Variants in ZNF326 observed in about 807,000 individuals in gnomAD.
ZNF326 encodes the protein zinc finger protein 326, also known as DBIRD complex subunit ZNF326.
Under a neutral mutation model 63.1 loss-of-function variants are expected in ZNF326, and 30 were observed. The observed-to-expected ratio is 0.48, with a 90% CI of 0.36 to 0.64. The LOEUF (loss-of-function observed/expected upper bound fraction) is 0.64. Among genes scored for constraint, ZNF326 ranks in the 30% least tolerant of loss-of-function variants. ZNF326 has a pLI of 0.00. For missense variants in ZNF326, 609 were observed against 720.3 expected (o/e 0.85, Z 1.77); for synonymous variants, 194 against 228.2 (o/e 0.85, Z 1.35).
chr1:90,025,072 C>T (rs1649949784), intron 11 of ZNF326, among the ~76,000 whole-genome samples: 1 of 151,414 alleles, frequency 6.6e-6, no homozygotes, highest in Admixed American at 6.6e-5. Context: ...GACTTTGGCC[C>T]ACCCTATTTT....
chr1:90,018,082 A>G (rs1460908777), intron 8 of ZNF326, among the ~76,000 whole-genome samples: 1 of 152,156 alleles, frequency 6.6e-6, no homozygotes, highest in African/African-American at 2.4e-5. Context: ...TCACGAGGTC[A>G]GGGGTTCAAG....
chr1:90,007,300 A>C lies in ZNF326; in HGVS notation c.210-45A>C. ...TTTGTCTTTTGAATTGTCTAACATT[A>C]GTAAGCTTACTTTTGTTTTTTCCCT... On this transcript the variant is annotated intron_variant, in intron 4 of 11. Transcript: ENST00000340281. This position sits in a 1 kb window ranked among gnomAD's most constrained non-coding sequence, Gnocchi z 4.9. The C allele has an allele frequency of 6.6e-7, 1 of 1,521,092 alleles. No homozygotes were observed. The highest frequency in any genetic ancestry group is 8.9e-7 in the Non-Finnish European group (1 of 1,128,020). 94.2% of individuals were successfully genotyped at this position (1,521,092 alleles called of 1,614,324 possible). A position where few individuals can be genotyped will look rare whatever the true frequency, so the allele number is the denominator to read the frequency against.
chr1:90,014,426 ATAAT>A (rs1557523959), intron 7 of ZNF326, among the ~76,000 whole-genome samples: 1 of 152,216 alleles, frequency 6.6e-6, no homozygotes, highest in African/African-American at 2.4e-5. Context: ...ACAGCTAGTA[ATAAT>A]TTTAAGGAAA....
At position 90,034,378 on chromosome 1, in the gene ZNF326, A is replaced by G. The variant is rs1449872175; in HGVS notation, c.*6677A>G. 1 of 152,230 alleles carries G rather than the reference A, an allele frequency of 6.6e-6. No homozygotes were observed. Among genetic ancestry groups the G allele is most frequent in the Non-Finnish European group, 1.5e-5 (1 of 68,026 alleles). The allele number at this position is 152,230 out of a possible 1,614,324, so 9.4% of individuals were successfully genotyped here. A position where few individuals can be genotyped will look rare whatever the true frequency, so the allele number is the denominator to read the frequency against. On this transcript the variant is annotated 3_prime_UTR_variant, in exon 12 of 12. Transcript: ENST00000340281. ...ACAAGAAATTGTCAAATTTATAATC[A>G]TAGCTACGTATTTGAACACAGCGCT...
chr1:90,026,054 C>T (rs1052311251), intron 11 of ZNF326, among the ~76,000 whole-genome samples: 2 of 151,904 alleles, frequency 1.3e-5, no homozygotes, highest in Non-Finnish European at 2.9e-5. Context: ...GGCTCCACCT[C>T]CTGGGTTCAC....
Position 90,007,473 on chromosome 1 carries a change from GCTC to G in ZNF326, c.341_343del (p.Ser114del). On this transcript the variant is annotated inframe_deletion, in exon 5 of 12. Coordinates refer to ENST00000340281, the MANE Select transcript of ZNF326 (RefSeq NM_182976.4). The surrounding 1 kb of genome is among the most constrained non-coding windows in gnomAD (Gnocchi z 4.9). ...GGTAGTTATGGTGGTCGATTTGAGAGCTCCTACCGGAATAGCCTTGACTCTTTC... is the reference window on the plus strand; with the variant it reads ...GGTAGTTATGGTGGTCGATTTGAGAGCTACCGGAATAGCCTTGACTCTTTC... 6.2e-7 allele frequency: 1 copy of G among 1,614,042 alleles called. No individual in the cohort carries two copies. Among genetic ancestry groups the G allele is most frequent in the Non-Finnish European group, 8.5e-7 (1 of 1,179,988 alleles).
Position 90,014,374 on chromosome 1 carries a change from A to T in ZNF326, c.926+1137A>T, listed in dbSNP as rs566173697. Reference sequence around the variant, plus strand: ...AAACATCACCCAAATTATTTTAAAAAGTAAGAAAACTAAGCTGTTTAATAT... The same window carrying T: ...AAACATCACCCAAATTATTTTAAAATGTAAGAAAACTAAGCTGTTTAATAT... On this transcript the variant is annotated intron_variant, in intron 7 of 11. Coordinates refer to ENST00000340281, the MANE Select transcript of ZNF326 (RefSeq NM_182976.4). Among the ~76,000 whole-genome samples, 39 of 152,338 alleles carry T rather than the reference A, an allele frequency of 2.6e-4. No homozygotes were observed. In the East Asian group the frequency reaches 6.2e-3, roughly 24 times the overall value.
chr1:90,010,542 A>G (rs1649188378), intron 6 of ZNF326, among the ~76,000 whole-genome samples: 1 of 152,108 alleles, frequency 6.6e-6, no homozygotes. Flanking sequence ...TACAGCTGAG[A>G]AAACAGGCAC....
chr1:90,027,243 A>T, intron 11 of ZNF326, 111 bp from the exon 12 acceptor site: 1 of 983,722 alleles, frequency 1.0e-6, no homozygotes, highest in Non-Finnish European at 1.5e-6. Flanking sequence ...TTTACAATGA[A>T]AAGTTTCAAA....
Position 90,027,568 on chromosome 1 carries a change from G to C in ZNF326, c.1616G>C (p.Gly539Ala), listed in dbSNP as rs1650075823. The C allele has an allele frequency of 1.2e-6, 2 of 1,608,542 alleles. No individual in the cohort carries two copies. The highest frequency in any genetic ancestry group is 1.7e-6 in the Non-Finnish European group (2 of 1,176,846). ...IEGEGNIQGV[G>A]EGGEVGVVGE... is the part of the protein sequence containing the mutation. ...GGCGAGGGAAATATACAGGGAGTAG[G>C]GGAAGGAGGGGAAGTAGGGGTAGTG... Residue 539 changes from glycine to alanine, a missense_variant, in exon 12 of 12, where the codon GGG (glycine) becomes GCG (alanine). This residue lies in a region of ZNF326 where 399 missense variants were observed against 444.3 expected (regional missense o/e 0.90). Transcript: ENST00000340281.
chr1:90,027,124 G>C (rs1650047767), intron 11 of ZNF326, among the ~76,000 whole-genome samples: 2 of 151,918 alleles, frequency 1.3e-5, no homozygotes, highest in African/African-American at 4.8e-5. Flanking sequence ...GGGAAAATAT[G>C]ACCTTTAAGC....
At chr1:90,020,973 T>C (rs1649741853) in intron 10 of ZNF326, 51 bp downstream of exon 10, 2 of 1,589,180 alleles carry the variant, frequency 1.3e-6, no homozygotes, top group Admixed American at 1.7e-5. Context: ...CATCAATCTT[T>C]TATTGTTCTT....
rs1649051610 is a variant in ZNF326 at position 90,007,685 on chromosome 1, A to G, written c.550A>G (p.Thr184Ala). 2 of 1,518,818 alleles carry G rather than the reference A, an allele frequency of 1.3e-6. No homozygotes were observed. The highest frequency in any genetic ancestry group is 2.2e-5 in the Admixed American group (1 of 44,492). The allele number at this position is 1,518,818 out of a possible 1,614,324, so 94.1% of individuals were successfully genotyped here. ...AGGAACGCCTGCTTATCCTGAAAGT[A>G]CGTTTGGAAGCAGAAACTATGATGC... ...GRGTPAYPESTFGSRNYDAFG... is the reference protein window; with the variant it reads ...GRGTPAYPESAFGSRNYDAFG... The change falls in exon 5 of 12, where the codon ACG becomes GCG. Residue 184 changes from threonine (T) to alanine (A), a missense_variant. Transcript: ENST00000340281. The surrounding 1 kb of genome is among the most constrained non-coding windows in gnomAD (Gnocchi z 4.9).
Position 90,027,439 on chromosome 1 carries a change from C to G in ZNF326, c.1487C>G (p.Pro496Arg). Residue 496 changes from proline (P) to arginine (R), a missense_variant, in exon 12 of 12, where the codon CCT becomes CGT. By Grantham distance (103) the Pro-to-Arg change is moderately radical. Transcript: ENST00000340281. ...DEEDEEKIDEPIEEEEDEDEE... is the reference protein window; with the variant it reads ...DEEDEEKIDERIEEEEDEDEE... ...GAGGATGAAGAGAAGATTGATGAAC[C>G]TATTGAAGAAGAGGAGGATGAAGAT... The G allele has an allele frequency of 6.2e-7, 1 of 1,613,090 alleles. No individual in the cohort carries two copies. Among genetic ancestry groups the G allele is most frequent in the South Asian group, 1.1e-5 (1 of 91,038 alleles).
intron 11 of ZNF326, among the ~76,000 whole-genome samples, chr1:90,022,978 C>G (rs1363140919): frequency 6.6e-6 from 1 of 152,058 alleles, no homozygotes; most frequent in East Asian, 1.9e-4. Flanking sequence ...ATTTGGCGGG[C>G]GGGAGAAGAG....
intron 11 of ZNF326, among the ~76,000 whole-genome samples, chr1:90,026,341 A>C (rs1325663017): frequency 6.6e-6 from 1 of 152,078 alleles, no homozygotes; most frequent in Non-Finnish European, 1.5e-5. Context: ...TTAATCCACC[A>C]GTCCCATCCC....
intron 2 of ZNF326, 61 bp downstream of exon 2, chr1:89,998,215 G>C: frequency 6.5e-7 from 1 of 1,532,028 alleles, no homozygotes; most frequent in South Asian, 1.1e-5. Flanking sequence ...CAATGTAAAA[G>C]GCCAGTTCTA....
chr1:90,012,385 T>TC (rs1649293474), intron 6 of ZNF326, among the ~76,000 whole-genome samples: 1 of 152,110 alleles, frequency 6.6e-6, no homozygotes, highest in African/African-American at 2.4e-5. Flanking sequence ...GTATATGAAA[T>TC]ACTTAGAATA....
At chr1:90,024,238 CAAAAA>C (rs146739214) in intron 11 of ZNF326, among the ~76,000 whole-genome samples, 1 of 151,806 alleles carries the variant, frequency 6.6e-6, no homozygotes, top group African/African-American at 2.4e-5. Flanking sequence ...GCAGAGAAGA[CAAAAA>C]AACAAAACAA....
Sources: allele counts gnomAD v4.1 joint callset (sites outside exome capture counted in the v4.1 genomes callset), GRCh38; gene constraint gnomAD v4.1.1; regional missense constraint gnomAD v4.1.1; non-coding constraint Gnocchi (gnomAD v3.1); transcripts MANE v1.5; gene names NCBI Gene and HGNC (gene_info 2026-07-23, HGNC 2026-07-21).